SPAG9: variants seen among roughly 807,000 people sequenced by gnomAD.
The protein encoded by SPAG9 is C-Jun-amino-terminal kinase-interacting protein 4.
Under a neutral mutation model 166.5 loss-of-function variants are expected in SPAG9, and 35 were observed. The observed-to-expected ratio is 0.21, with a 90% CI of 0.16 to 0.28. The LOEUF is 0.28. Ranked by LOEUF, SPAG9 falls within the 10% of genes least tolerant of loss-of-function variation. The probability of loss-of-function intolerance (pLI) is 1.00; values close to 1 mark genes in which losing one functional copy is unlikely to be tolerated. For synonymous variants in SPAG9, 534 were observed against 565.5 expected (o/e 0.94, Z 0.79); for missense variants, 1,235 against 1,603.3 (o/e 0.77, Z 3.92).
intron 1 of SPAG9, among the ~76,000 whole-genome samples, chr17:51,108,277 C>T (rs1032432527): frequency 7.9e-5 from 12 of 151,272 alleles, no homozygotes; most frequent in Admixed American, 6.6e-4. Context: ...GTCCCAGCTA[C>T]TCAGAAGGCT....
chr17:50,990,113 C>T, intron 20 of SPAG9: 1 of 550,912 alleles, frequency 1.8e-6, no homozygotes. Context: ...CTGCAAGCTC[C>T]ACCTCCCAGG....
At chr17:51,026,674 C>CTTTTTTTTTTTT (rs35339612) in intron 6 of SPAG9, among the ~76,000 whole-genome samples, 5 of 124,192 alleles carry the variant, frequency 4.0e-5, no homozygotes, top group Non-Finnish European at 5.1e-5. Flanking sequence ...TTTTTCTTTT[C>CTTTTTTTTTTTT]TTTTTTTTTT....
chr17:51,013,758 G>A (rs2053466592), intron 9 of SPAG9, among the ~76,000 whole-genome samples: 1 of 152,036 alleles, frequency 6.6e-6, no homozygotes. Context: ...ATTTACCATA[G>A]GGCTAAAACA....
chr17:51,112,784 C>G (rs770579902), intron 1 of SPAG9, among the ~76,000 whole-genome samples: 11 of 149,112 alleles, frequency 7.4e-5, no homozygotes, highest in Non-Finnish European at 1.6e-4. Context: ...GTTCAGCTTG[C>G]ATAACATAAC....
Position 51,120,824 on chromosome 17 carries a change from G to A in SPAG9, c.-168C>T, listed in dbSNP as rs1185676131. The A allele has an allele frequency of 4.4e-6, 2 of 456,370 alleles. No individual in the cohort carries two copies. Among genetic ancestry groups the A allele is most frequent in the East Asian group, 7.7e-5 (2 of 25,834 alleles). The allele number at this position is 456,370 out of a possible 1,614,324, so 28.3% of individuals were successfully genotyped here. On this transcript the variant is annotated 5_prime_UTR_variant, in exon 1 of 30. Coordinates refer to ENST00000262013, the MANE Select transcript of SPAG9 (RefSeq NM_001130528.3). The surrounding 1 kb of genome is among the most constrained non-coding windows in gnomAD (Gnocchi z 4.7). ...GGGGCCGGGGCCGGAGGAGGGGAGG[G>A]GTGGCGTAGGCGCTCTCACCCCAAC...
rs889335537 is a variant in SPAG9, at chr17:51,001,598, C to T, written c.1607+117G>A. The stretch of plus-strand genomic sequence containing the variant: ...TGAGTGTTACTTTAAAAAGTCTCTC[C>T]TAGTAAACAGAGAAAGGGGCTTGGA... On this transcript the variant is annotated intron_variant, in intron 13 of 29. Transcript: ENST00000262013. The T allele has an allele frequency of 1.6e-5, 16 of 976,886 alleles. No individual in the cohort carries two copies. The Admixed American group carries it at 2.8e-4, about 17-fold the overall frequency. 60.5% of individuals were successfully genotyped at this position (976,886 alleles called of 1,614,324 possible).
At chr17:51,066,155 G>T (rs1021595866) in intron 2 of SPAG9, among the ~76,000 whole-genome samples, 1 of 151,408 alleles carries the variant, frequency 6.6e-6, no homozygotes, top group Non-Finnish European at 1.5e-5. Flanking sequence ...TCCCAGGCTG[G>T]AGTGCAATGG....
intron 1 of SPAG9, among the ~76,000 whole-genome samples, chr17:51,102,625 C>A (rs867875807): frequency 4.6e-5 from 7 of 151,828 alleles, no homozygotes; most frequent in Non-Finnish European, 8.8e-5. Context: ...GCCTCAGCCT[C>A]CCCAGTAGCT....
chr17:51,014,099 C>T, intron 9 of SPAG9, 133 bp downstream of exon 9: 1 of 660,272 alleles, frequency 1.5e-6, no homozygotes, highest in Non-Finnish European at 2.3e-6. Flanking sequence ...AATATGTTCC[C>T]AATAATTACC....
chr17:51,094,707 GT>G (rs1568082246), intron 1 of SPAG9, among the ~76,000 whole-genome samples: 1 of 152,104 alleles, frequency 6.6e-6, no homozygotes, highest in Non-Finnish European at 1.5e-5. Flanking sequence ...TCTCATATAT[GT>G]TTTTACACTC....
intron 2 of SPAG9, among the ~76,000 whole-genome samples, chr17:51,078,790 T>C (rs1348488189): frequency 1.3e-5 from 2 of 151,928 alleles, no homozygotes; most frequent in African/African-American, 4.8e-5. Flanking sequence ...ATTTTTCCAT[T>C]AAAAAAAGGA....
rs1332932396 is a variant in SPAG9, at chr17:50,996,709, G to T, written c.1839-15C>A. 1 of 1,612,774 alleles carries T rather than the reference G, an allele frequency of 6.2e-7. No individual in the cohort carries two copies. The highest frequency in any genetic ancestry group is 8.5e-7 in the Non-Finnish European group (1 of 1,179,180). On this transcript the variant is annotated splice_polypyrimidine_tract_variant and intron_variant, in intron 15 of 29. Coordinates refer to ENST00000262013, the MANE Select transcript of SPAG9 (RefSeq NM_001130528.3). ...TAGCTTCAGTTCTAAAAGGAAAAAA[G>T]ATTTTCCTAATTACATGAATACGTT...
intron 24 of SPAG9, among the ~76,000 whole-genome samples, chr17:50,983,193 A>T (rs573581663): frequency 2.0e-5 from 3 of 152,298 alleles, no homozygotes; most frequent in Non-Finnish European, 2.9e-5. Flanking sequence ...CTGCCTCACA[A>T]AGCAGCCATT....
chr17:51,037,257 C>A (rs2046624474), intron 5 of SPAG9, among the ~76,000 whole-genome samples: 1 of 152,086 alleles, frequency 6.6e-6, no homozygotes. Flanking sequence ...GCGCACACCA[C>A]CATGCCCAGC....
intron 1 of SPAG9, among the ~76,000 whole-genome samples, chr17:51,089,757 C>T (rs1224244134): frequency 6.7e-6 from 1 of 148,536 alleles, no homozygotes; most frequent in Non-Finnish European, 1.5e-5. Context: ...CTCCCTGCAA[C>T]CTCTGCCTAC....
At chr17:51,106,032 A>G (rs2048939229) in intron 1 of SPAG9, among the ~76,000 whole-genome samples, 1 of 151,632 alleles carries the variant, frequency 6.6e-6, no homozygotes, top group African/African-American at 2.4e-5. Context: ...TGGGAAGCAG[A>G]GGCAGGAGGA....
At chr17:50,987,896 C>G (rs1975184943) in intron 21 of SPAG9, among the ~76,000 whole-genome samples, 1 of 152,188 alleles carries the variant, frequency 6.6e-6, no homozygotes. Flanking sequence ...ACCAGGCTAT[C>G]AAATTCAAAC....
At chr17:51,024,543 T>A (rs571984680) in intron 6 of SPAG9, among the ~76,000 whole-genome samples, 3 of 151,954 alleles carry the variant, frequency 2.0e-5, no homozygotes, top group South Asian at 4.2e-4. Context: ...CTGGCCAACA[T>A]GGAGAAACTC....
intron 27 of SPAG9, 77 bp downstream of exon 27, chr17:50,977,031 A>C: frequency 1.1e-6 from 1 of 909,364 alleles, no homozygotes. Context: ...GAGCTAACAC[A>C]GATTTGAATT....
Sources: gnomAD v4.1 joint callset for allele counts (sites outside exome capture counted in the v4.1 genomes callset) on GRCh38, gnomAD v4.1.1 for gene constraint, Gnocchi (gnomAD v3.1) non-coding constraint, MANE v1.5 for transcripts, NCBI Gene and HGNC (gene_info 2026-07-23, HGNC 2026-07-21) for gene names.